Variants in PTPRD observed in about 807,000 individuals in gnomAD.
PTPRD encodes protein tyrosine phosphatase receptor type D.
PTPRD carries 34 observed loss-of-function variants against 214.5 expected under a neutral mutation model. The ratio of observed to expected loss-of-function variants is 0.16; its 90% CI spans 0.12 to 0.21. The LOEUF (loss-of-function observed/expected upper bound fraction) is 0.21. PTPRD is among the 10% of genes least tolerant of loss of function. The probability of loss-of-function intolerance (pLI) is 1.00; values close to 1 mark genes in which losing one functional copy is unlikely to be tolerated. For missense variants in PTPRD, 2,545 were observed against 2,398.7 expected (o/e 1.06, Z -1.27); for synonymous variants, 1,128 against 845.7 (o/e 1.33, Z -5.79).
intron 2 of PTPRD, among the ~76,000 whole-genome samples, chr9:10,593,122 A>G (rs2075876577): frequency 2.0e-5 from 3 of 152,116 alleles, no homozygotes; most frequent in Admixed American, 1.3e-4. Context: ...ATATAATACA[A>G]TGTGGCACTT....
chr9:9,499,421 A>G (rs1245991649), intron 8 of PTPRD, among the ~76,000 whole-genome samples: 2 of 152,124 alleles, frequency 1.3e-5, no homozygotes, highest in Non-Finnish European at 2.9e-5. Flanking sequence ...TTAAAAATAT[A>G]TTGCCGAACT....
At chr9:9,253,922 C>T (rs534737107) in intron 9 of PTPRD, among the ~76,000 whole-genome samples, 1 of 152,198 alleles carries the variant, frequency 6.6e-6, no homozygotes, top group South Asian at 2.1e-4. Context: ...TGCTCTGTGC[C>T]TAGTTCAGCC....
At chr9:8,840,060 A>G (rs774533460) in intron 11 of PTPRD, among the ~76,000 whole-genome samples, 1 of 152,198 alleles carries the variant, frequency 6.6e-6, no homozygotes, top group Non-Finnish European at 1.5e-5. Context: ...CTATAATGAG[A>G]TTATATTACT....
intron 33 of PTPRD, among the ~76,000 whole-genome samples, chr9:8,459,499 T>C (rs2096318824): frequency 6.6e-6 from 1 of 152,086 alleles, no homozygotes; most frequent in African/African-American, 2.4e-5. Flanking sequence ...GTATATTATA[T>C]GCTACTCTTT....
intron 5 of PTPRD, among the ~76,000 whole-genome samples, chr9:9,909,348 T>G (rs2078521820): frequency 6.6e-6 from 1 of 151,354 alleles, no homozygotes; most frequent in South Asian, 2.1e-4. Flanking sequence ...CTTTTCCTAT[T>G]AATTTAACTA....
chr9:10,424,631 G>A (rs186632013), intron 2 of PTPRD, among the ~76,000 whole-genome samples: 1 of 151,914 alleles, frequency 6.6e-6, no homozygotes, highest in African/African-American at 2.4e-5. Context: ...ACCATGACAG[G>A]GATGTATGTA....
At chr9:8,776,913 TATGTATAATATATAA>T (rs1268570182) in intron 11 of PTPRD, among the ~76,000 whole-genome samples, 4 of 147,348 alleles carry the variant, frequency 2.7e-5, no homozygotes, top group East Asian at 1.9e-4. Context: ...ATGTATAATA[TATGTATAATATATAA>T]ATATGATGTA....
At chr9:8,413,129 C>G (rs191668865) in intron 35 of PTPRD, among the ~76,000 whole-genome samples, 1 of 152,216 alleles carries the variant, frequency 6.6e-6, no homozygotes. Flanking sequence ...AATGTCTAGC[C>G]TAATTTTAAA....
At chr9:8,804,740 A>G (rs1053781115) in intron 11 of PTPRD, among the ~76,000 whole-genome samples, 2 of 152,010 alleles carry the variant, frequency 1.3e-5, no homozygotes. Context: ...ACAGACCTTG[A>G]TGAGTGGCCA....
intron 3 of PTPRD, among the ~76,000 whole-genome samples, chr9:10,330,532 A>T (rs2096729920): frequency 6.6e-6 from 1 of 151,840 alleles, no homozygotes; most frequent in Admixed American, 6.6e-5. Context: ...AAAGGGTATC[A>T]ATATTTTAAA....
intron 3 of PTPRD, among the ~76,000 whole-genome samples, chr9:10,136,096 A>G (rs975055398): frequency 6.6e-5 from 10 of 151,894 alleles, no homozygotes; most frequent in Non-Finnish European, 1.3e-4. Flanking sequence ...CTTATACTAG[A>G]TAAAGCACAC....
chr9:8,453,313 G>A (rs961846732), intron 33 of PTPRD, among the ~76,000 whole-genome samples: 6 of 152,070 alleles, frequency 3.9e-5, no homozygotes, highest in African/African-American at 4.8e-5. Flanking sequence ...ACAGGCGCCC[G>A]CCACCATGCC....
rs139696897 is a variant in PTPRD, at chr9:10,462,574, T to C, written c.-599-121557A>G. On this transcript the variant is annotated intron_variant, in intron 2 of 45. Transcript: ENST00000381196. ...TAACCAGGACATAAGAAAAACTATC[T>C]TGGGGGAAATGAGGTATCAGAAACA... Among the ~76,000 whole-genome samples the C allele has an allele frequency of 7.0e-3, 1,072 of 152,214 alleles. 14 individuals are homozygous for C. Among genetic ancestry groups the C allele is most frequent in the African/African-American group, 0.025 (1,022 of 41,562 alleles).
chr9:10,043,544 T>C (rs1483830377), intron 3 of PTPRD, among the ~76,000 whole-genome samples: 1 of 151,858 alleles, frequency 6.6e-6, no homozygotes, highest in Non-Finnish European at 1.5e-5. Context: ...CCTATGAGCC[T>C]TCTAAAACTG....
intron 8 of PTPRD, among the ~76,000 whole-genome samples, chr9:9,446,614 A>G (rs939739567): frequency 1.3e-5 from 2 of 152,224 alleles, no homozygotes; most frequent in East Asian, 1.9e-4. Context: ...GTTATTGTCA[A>G]TGGTGCCACA....
intron 8 of PTPRD, among the ~76,000 whole-genome samples, chr9:9,564,886 T>TTTG (rs2083988000): frequency 2.1e-5 from 2 of 94,176 alleles, no homozygotes; most frequent in African/African-American, 9.4e-5. Context: ...AATCTTCTGT[T>TTTG]TTTTTTTTTT....
At chr9:9,941,199 T>G (rs1566558083) in intron 4 of PTPRD, among the ~76,000 whole-genome samples, 1 of 152,222 alleles carries the variant, frequency 6.6e-6, no homozygotes, top group African/African-American at 2.4e-5. Flanking sequence ...AAGCTTGATT[T>G]AGATCATGCC....
chr9:9,598,041 A>G (rs897803707), intron 7 of PTPRD, among the ~76,000 whole-genome samples: 2 of 151,954 alleles, frequency 1.3e-5, no homozygotes, highest in African/African-American at 2.4e-5. Context: ...TGCCACTTGT[A>G]CAGGACTTAA....
intron 2 of PTPRD, among the ~76,000 whole-genome samples, chr9:10,427,333 A>G (rs773000448): frequency 6.6e-6 from 1 of 152,134 alleles, no homozygotes; most frequent in Non-Finnish European, 1.5e-5. Flanking sequence ...AAATATGATT[A>G]TAACAAACAT....
Sources: allele counts gnomAD v4.1 joint callset (sites outside exome capture counted in the v4.1 genomes callset), GRCh38; gene constraint gnomAD v4.1.1; transcripts MANE v1.5; gene names NCBI Gene and HGNC (gene_info 2026-07-23, HGNC 2026-07-21).